Variants in PRELID2 observed in about 807,000 individuals in gnomAD.
PRELID2 encodes the protein PRELI domain containing 2.
PRELID2 carries 25 observed loss-of-function variants against 28.4 expected under a neutral mutation model. The ratio of observed to expected loss-of-function variants is 0.88; its 90% CI spans 0.64 to 1.23. PRELID2 has a LOEUF of 1.23. Ranked by LOEUF, PRELID2 falls within the 50% of genes most tolerant of loss-of-function variation. The pLI, the probability that PRELID2 is intolerant of heterozygous loss-of-function variation, is 0.00. For missense variants in PRELID2, 201 were observed against 214.4 expected (o/e 0.94, Z 0.39); for synonymous variants, 76 against 71.6 (o/e 1.06, Z -0.31).
chr5:145,398,524 G>A, the PRELID2 span, among the ~76,000 whole-genome samples: 1 of 151,988 alleles, frequency 6.6e-6, no homozygotes, highest in African/African-American at 2.4e-5. Flanking sequence ...CCCAGTCTCT[G>A]CCTTCAGGGG....
intron 1 of PRELID2, among the ~76,000 whole-genome samples, chr5:145,623,925 T>G (rs1283699340): frequency 6.6e-6 from 1 of 152,138 alleles, no homozygotes; most frequent in Non-Finnish European, 1.5e-5. Context: ...CAAGACTGCC[T>G]TCATTTCAGA....
chr5:145,574,655 C>T (rs1753045455), intron 1 of PRELID2, among the ~76,000 whole-genome samples: 1 of 152,172 alleles, frequency 6.6e-6, no homozygotes, highest in South Asian at 2.1e-4. Flanking sequence ...TCACCTAGTG[C>T]CATCATGCTA....
chr5:145,628,208 T>A (rs1356489470), intron 1 of PRELID2, among the ~76,000 whole-genome samples: 1 of 152,124 alleles, frequency 6.6e-6, no homozygotes, highest in African/African-American at 2.4e-5. Flanking sequence ...TATCATTTCC[T>A]CTCTCCTCAC....
At chr5:145,527,374 T>G (rs1370182992) in intron 1 of PRELID2, among the ~76,000 whole-genome samples, 1 of 152,170 alleles carries the variant, frequency 6.6e-6, no homozygotes, top group African/African-American at 2.4e-5. Flanking sequence ...TATACTAAAT[T>G]TATGCAAGAG....
the PRELID2 span, among the ~76,000 whole-genome samples, chr5:145,276,747 G>A: frequency 3.5e-3 from 526 of 152,100 alleles, 1 homozygote; most frequent in African/African-American, 0.012. Flanking sequence ...GTTGCATTTT[G>A]AAAGTTCTAT....
At chr5:145,288,083 GA>G in the PRELID2 span, among the ~76,000 whole-genome samples, 1 of 152,030 alleles carries the variant, frequency 6.6e-6, no homozygotes, top group African/African-American at 2.4e-5. Flanking sequence ...TTGTCTATAT[GA>G]ATGTTAACCT....
intron 1 of PRELID2, among the ~76,000 whole-genome samples, chr5:145,510,519 C>G (rs1752452157): frequency 6.6e-6 from 1 of 152,152 alleles, no homozygotes; most frequent in Admixed American, 6.6e-5. Context: ...ATTCTTGGCT[C>G]TGGCCACATG....
chr5:145,572,283 A>G (rs565658031), intron 1 of PRELID2, among the ~76,000 whole-genome samples: 1 of 152,326 alleles, frequency 6.6e-6, no homozygotes, highest in South Asian at 2.1e-4. Flanking sequence ...CATAAAATGT[A>G]TAAATCTAAC....
intron 1 of PRELID2, among the ~76,000 whole-genome samples, chr5:145,499,346 T>C (rs986576532): frequency 6.6e-6 from 1 of 152,234 alleles, no homozygotes; most frequent in Non-Finnish European, 1.5e-5. Context: ...ATATCACAAA[T>C]AGTTATTTCT....
chr5:145,502,735 G>T (rs1287551999), intron 1 of PRELID2, among the ~76,000 whole-genome samples: 1 of 152,022 alleles, frequency 6.6e-6, no homozygotes, highest in Admixed American at 6.6e-5. Flanking sequence ...GAATTAATGA[G>T]CACATTAATT....
the PRELID2 span, among the ~76,000 whole-genome samples, chr5:145,345,046 C>G: frequency 6.6e-6 from 1 of 152,026 alleles, no homozygotes; most frequent in African/African-American, 2.4e-5. Context: ...ACTATCTAAA[C>G]TTTACATGTG....
intron 1 of PRELID2, among the ~76,000 whole-genome samples, chr5:145,720,478 T>C (rs1410151487): frequency 4.0e-5 from 6 of 151,632 alleles, no homozygotes; most frequent in Non-Finnish European, 5.9e-5. Context: ...GGAAAAAAAA[T>C]GTGAACCAAA....
intron 4 of PRELID2, among the ~76,000 whole-genome samples, 191 bp from the exon 5 acceptor site, chr5:145,796,738 T>C (rs1416536696): frequency 2.0e-5 from 3 of 152,174 alleles, no homozygotes; most frequent in African/African-American, 7.2e-5. Context: ...AACAGTCTTA[T>C]TCAAATTAAA....
At chr5:145,629,762 A>G (rs1339303596) in intron 1 of PRELID2, among the ~76,000 whole-genome samples, 1 of 148,646 alleles carries the variant, frequency 6.7e-6, no homozygotes, top group Non-Finnish European at 1.5e-5. Context: ...CTCCTTAAGC[A>G]GGATACAAAC....
At chr5:145,508,297 TTA>T (rs1561496158) in intron 1 of PRELID2, among the ~76,000 whole-genome samples, 9 of 151,368 alleles carry the variant, frequency 5.9e-5, no homozygotes, top group South Asian at 2.1e-4. Context: ...GATAGATAGA[TTA>T]AAAAATGTAA....
chr5:145,396,487 TA>T, the PRELID2 span, among the ~76,000 whole-genome samples: 39,581 of 128,854 alleles, frequency 0.31, 5,892 homozygotes, highest in East Asian at 0.59. Flanking sequence ...TCACAGATTG[TA>T]AAAAAAAAAA....
rs188995337 is a variant in PRELID2, at chr5:145,758,346, A to T, written c.*2190T>A. Among the ~76,000 whole-genome samples the T allele has an allele frequency of 2.7e-3, 412 of 152,262 alleles. 3 individuals carry two copies. Among genetic ancestry groups the T allele is most frequent in the African/African-American group, 9.1e-3 (379 of 41,548 alleles). ...ACAAAGATCCTTTCCAACCACAGAG[A>T]TATTAAGAAAAAAATTAAATATTGT... On this transcript the variant is annotated 3_prime_UTR_variant, in exon 7 of 7. Coordinates refer to ENST00000683046, the MANE Select transcript of PRELID2 (RefSeq NM_205846.3).
chr5:145,818,015 CCTCTT>C lies in PRELID2; in HGVS notation c.242_246del (p.Glu81GlyfsTer79), dbSNP rs1754493881. 6.2e-7 allele frequency: 1 copy of C among 1,612,712 alleles called. No homozygotes were observed. The highest frequency in any genetic ancestry group is 1.7e-5 in the Admixed American group (1 of 59,862). On this transcript the variant is annotated frameshift_variant, in exon 4 of 7. Coordinates refer to ENST00000683046, the MANE Select transcript of PRELID2 (RefSeq NM_205846.3). LOFTEE classifies it high-confidence loss of function. ...CTTTCCCGAGGATTGAGCCATGACT[CCTCTT>C]CTAATTGGATATTAGGTACTTTCAA...
intron 1 of PRELID2, among the ~76,000 whole-genome samples, chr5:145,726,261 GA>G (rs1756152594): frequency 6.8e-6 from 1 of 147,824 alleles, no homozygotes; most frequent in Non-Finnish European, 1.5e-5. Context: ...GGGAGGGACG[GA>G]GGGGGAAAGA....
Sources: allele counts gnomAD v4.1 joint callset (sites outside exome capture counted in the v4.1 genomes callset), GRCh38; gene constraint gnomAD v4.1.1; transcripts MANE v1.5; gene names NCBI Gene and HGNC (gene_info 2026-07-23, HGNC 2026-07-21).